LRP1: variants seen among roughly 807,000 people sequenced by gnomAD.
The protein encoded by LRP1 is prolow-density lipoprotein receptor-related protein 1.
A neutral mutation model predicts 541.5 loss-of-function variants in LRP1; 51 were observed. The ratio of observed to expected loss-of-function variants is 0.09; its 90% CI spans 0.08 to 0.12. The LOEUF is 0.12. LRP1 is among the 10% of genes least tolerant of loss of function. The pLI is 1.00. For synonymous variants in LRP1, 2,219 were observed against 2,470.8 expected (o/e 0.90, Z 3.02); for missense variants, 3,878 against 6,376.2 (o/e 0.61, Z 13.34).
intron 44 of LRP1, among the ~76,000 whole-genome samples, chr12:57,192,040 TCACA>T (rs1445790993): frequency 9.6e-6 from 1 of 104,214 alleles, no homozygotes. Context: ...ACAACACACA[TCACA>T]CACACACCAC....
chr12:57,211,606 T>C lies in LRP1; in HGVS notation c.13193+18T>C. ...GAGTGCCAGTGAGTTGGGCCCGGGC[T>C]TCACCCAGGCATAGATCATCGCTCC... On this transcript the variant is annotated intron_variant, in intron 85 of 88. Transcript: ENST00000243077. This position sits in a 1 kb window ranked among gnomAD's most constrained non-coding sequence, Gnocchi z 4.3. The C allele has an allele frequency of 6.2e-7, 1 of 1,612,184 alleles. No homozygotes were observed. The highest frequency in any genetic ancestry group is 8.5e-7 in the Non-Finnish European group (1 of 1,178,338).
At position 57,196,224 on chromosome 12, in the gene LRP1, C is replaced by T. The variant is rs1212370465; in HGVS notation, c.8839C>T (p.Arg2947Cys). The T allele has an allele frequency of 3.7e-6, 6 of 1,611,302 alleles. No homozygotes were observed. The highest frequency in any genetic ancestry group is 2.7e-5 in the African/African-American group (2 of 74,918). The change falls in exon 55 of 89, where the codon CGC becomes TGC. Residue 2947 changes from arginine to cysteine, a missense_variant. By Grantham distance (180) the Arg-to-Cys change is radical (BLOSUM62 -3). Transcript: ENST00000243077. ...CTGCCACATCAATGAGTGTCTCAGCCGCAAGCTCAGTGGCTGCAGCCAGGA... is the reference window on the plus strand; with the variant it reads ...CTGCCACATCAATGAGTGTCTCAGCTGCAAGCTCAGTGGCTGCAGCCAGGA... ...RGCHINECLS[R>C]KLSGCSQDCE...
At chr12:57,203,791 CCCTGA>C in intron 70 of LRP1, 1 of 456,910 alleles carries the variant, frequency 2.2e-6, no homozygotes, top group Non-Finnish European at 3.8e-6. Context: ...ATCCAGCAAA[CCCTGA>C]GGGCTGTGCC....
intron 67 of LRP1, 118 bp from the exon 68 acceptor site, chr12:57,202,303 G>C: frequency 1.2e-6 from 1 of 816,486 alleles, no homozygotes; most frequent in Non-Finnish European, 2.1e-6. Flanking sequence ...CCCCGCGGCT[G>C]ACCCTTCCCA....
intron 64 of LRP1, 92 bp from the exon 65 acceptor site, chr12:57,200,942 C>G: frequency 6.3e-7 from 1 of 1,596,732 alleles, no homozygotes; most frequent in Non-Finnish European, 8.6e-7. Context: ...TCCTATGGCT[C>G]AAGCCTGTGT....
rs1164647508 is a variant in LRP1 at position 57,145,063 on chromosome 12, C to T, written c.540C>T (p.Leu180=). The change falls in exon 5 of 89, where the codon CTC becomes CTT. Residue 180 remains leucine (L), a synonymous_variant. Coordinates refer to ENST00000243077, the MANE Select transcript of LRP1 (RefSeq NM_002332.3). ...TATGTGGCTGTGTTGAAGGATACCTCCTGCAGCCGGATAACCGCTCCTGCA... is the reference window on the plus strand; with the variant it reads ...TATGTGGCTGTGTTGAAGGATACCTTCTGCAGCCGGATAACCGCTCCTGCA... The part of the protein sequence containing the change: ...SFICGCVEGY[L]LQPDNRSCKA... The T allele has an allele frequency of 6.2e-7, 1 of 1,614,066 alleles. No homozygotes were observed. The highest frequency in any genetic ancestry group is 1.1e-5 in the South Asian group (1 of 91,086).
Position 57,177,047 on chromosome 12 carries a change from C to T in LRP1, c.3998C>T (p.Thr1333Ile). The change falls in exon 25 of 89, where the codon ACT becomes ATT. Residue 1333 changes from threonine (T) to isoleucine (I), a missense_variant. By Grantham distance (89) the Thr-to-Ile change is moderately conservative. Around this residue, in one of 13 missense-constraint regions of LRP1, gnomAD observed 320 missense variants for 547.9 expected, o/e 0.58. Coordinates refer to ENST00000243077, the MANE Select transcript of LRP1 (RefSeq NM_002332.3). The surrounding 1 kb of genome is among the most constrained non-coding windows in gnomAD (Gnocchi z 6.8). Reference sequence around the variant, plus strand: ...ACTGCCCTCTCTTCTCCAGCCCTGACTAGTTTCGAGGTGGTGATTCAGTAT... The same window carrying T: ...ACTGCCCTCTCTTCTCCAGCCCTGATTAGTTTCGAGGTGGTGATTCAGTAT... ...RGKLLDNGAL[T>I]SFEVVIQYGL... The T allele has an allele frequency of 2.5e-6, 4 of 1,613,862 alleles. No homozygotes were observed. In the African/African-American group the frequency reaches 5.3e-5, roughly 22 times the overall value.
Position 57,154,299 on chromosome 12 carries a change from G to A in LRP1, c.933G>A (p.Gly311=). 6.2e-7 allele frequency: 1 copy of A among 1,614,126 alleles called. No individual in the cohort carries two copies. The highest frequency in any genetic ancestry group is 1.1e-5 in the South Asian group (1 of 91,084). The change falls in exon 7 of 89, where the codon GGG becomes GGA. Residue 311 remains glycine (G), a synonymous_variant. Transcript: ENST00000243077. The surrounding 1 kb of genome is among the most constrained non-coding windows in gnomAD (Gnocchi z 4.6). ...GGATCTTTGTCTGCAACAGAAATGG[G>A]GACACATGTGTCACATTGCTAGACC... ...DDRIFVCNRN[G]DTCVTLLDLE... is the part of the protein sequence containing the mutation.
At chr12:57,172,062 CTT>C (rs57732385) in intron 20 of LRP1, among the ~76,000 whole-genome samples, 44 of 126,806 alleles carry the variant, frequency 3.5e-4, no homozygotes, top group Non-Finnish European at 3.5e-4. Flanking sequence ...TTTCTTTTTT[CTT>C]TTTTTTTTTT....
chr12:57,148,495 T>C (rs991043251), intron 6 of LRP1, among the ~76,000 whole-genome samples: 4 of 152,088 alleles, frequency 2.6e-5, no homozygotes, highest in Admixed American at 1.3e-4. Context: ...ATGGAGCCTG[T>C]AACCCAGCTT....
At position 57,162,715 on chromosome 12, in the gene LRP1, C is replaced by T. The variant is rs34709055; in HGVS notation, c.2405-143C>T. On this transcript the variant is annotated intron_variant, in intron 14 of 88. Coordinates refer to ENST00000243077, the MANE Select transcript of LRP1 (RefSeq NM_002332.3). This position sits in a 1 kb window ranked among gnomAD's most constrained non-coding sequence, Gnocchi z 5.2. ...TTCCCTTCCTGCCCCATGTCTGTGT[C>T]TCCTGTTCTTCAACATGATCTTCTT... is the stretch of plus-strand genomic sequence containing the variant. 6.6e-4 allele frequency: 723 copies of T among 1,093,118 alleles called. 2 individuals are homozygous for T. In the African/African-American group the frequency reaches 0.01, roughly 15 times the overall value. The allele number at this position is 1,093,118 out of a possible 1,614,324, so 67.7% of individuals were successfully genotyped here. A position where few individuals can be genotyped will look rare whatever the true frequency, so the allele number is the denominator to read the frequency against.
rs749150213 is a variant in LRP1 at position 57,184,386 on chromosome 12, C to T, written c.6120C>T (p.Gly2040=). Residue 2040 remains glycine, a synonymous_variant, in exon 38 of 89, where the codon GGC becomes GGT. Coordinates refer to ENST00000243077, the MANE Select transcript of LRP1 (RefSeq NM_002332.3). This position sits in a 1 kb window ranked among gnomAD's most constrained non-coding sequence, Gnocchi z 7.8. Reference sequence around the variant, plus strand: ...GTATTGAGCGGTCTCGGCTAGATGGCACGGAGCGTGTGGTGCTGGTCAACG... The same window carrying T: ...GTATTGAGCGGTCTCGGCTAGATGGTACGGAGCGTGTGGTGCTGGTCAACG... ...YPRIERSRLD[G]TERVVLVNVS... 13 of 1,614,120 alleles carry T rather than the reference C, an allele frequency of 8.1e-6. No homozygotes were observed. In the South Asian group the frequency reaches 1.2e-4, roughly 15 times the overall value.
chr12:57,175,764 G>T (rs999025671), intron 23 of LRP1, 59 bp downstream of exon 23: 2 of 1,550,824 alleles, frequency 1.3e-6, no homozygotes, highest in Non-Finnish European at 1.7e-6. Context: ...GCTGCAGTGG[G>T]TTGGGCTTGG....
At position 57,165,573 on chromosome 12, in the gene LRP1, A is replaced by G; in HGVS notation, c.2531-232A>G. The G allele has an allele frequency of 2.0e-6, 1 of 510,330 alleles. No individual in the cohort carries two copies. Among genetic ancestry groups the G allele is most frequent in the South Asian group, 2.4e-5 (1 of 41,286 alleles). The allele number at this position is 510,330 out of a possible 1,614,324, so 31.6% of individuals were successfully genotyped here. A position where few individuals can be genotyped will look rare whatever the true frequency, so the allele number is the denominator to read the frequency against. On this transcript the variant is annotated intron_variant, in intron 15 of 88. Coordinates refer to ENST00000243077, the MANE Select transcript of LRP1 (RefSeq NM_002332.3). This position sits in a 1 kb window ranked among gnomAD's most constrained non-coding sequence, Gnocchi z 4.5. ...CTCTCTTGGACACCATTTGATTCTC[A>G]GGTCACACTGAAGTACAGTAAGCAT...
intron 1 of LRP1, 48 bp from the exon 2 acceptor site, chr12:57,138,411 G>A (rs780715920): frequency 6.2e-7 from 1 of 1,604,758 alleles, no homozygotes; most frequent in South Asian, 1.1e-5. Context: ...GGTTCACAGA[G>A]TTGGCCTCCA....
intron 44 of LRP1, among the ~76,000 whole-genome samples, chr12:57,192,580 C>T (rs1451587069): frequency 1.3e-5 from 2 of 152,188 alleles, no homozygotes; most frequent in Admixed American, 1.3e-4. Context: ...AGACTCGAAT[C>T]TCTCAGAAAC....
intron 47 of LRP1, 28 bp downstream of exon 47, chr12:57,193,713 T>A: frequency 6.2e-7 from 1 of 1,613,988 alleles, no homozygotes; most frequent in Non-Finnish European, 8.5e-7. Flanking sequence ...GCATAACCCA[T>A]CTGTACCTCA....
chr12:57,161,263 A>G, intron 13 of LRP1, 148 bp downstream of exon 13: 1 of 705,572 alleles, frequency 1.4e-6, no homozygotes, highest in Non-Finnish European at 2.4e-6. Context: ...TTTTCTGTGC[A>G]TCTATAGATG....
chr12:57,142,624 C>G lies in LRP1; in HGVS notation c.329-1055C>G, dbSNP rs34000745. Among the ~76,000 whole-genome samples, 1,247 of 152,298 alleles carry G rather than the reference C, an allele frequency of 8.2e-3. 19 individuals carry two copies. The highest frequency in any genetic ancestry group is 0.028 in the African/African-American group (1,173 of 41,558). On this transcript the variant is annotated intron_variant, in intron 3 of 88. Coordinates refer to ENST00000243077, the MANE Select transcript of LRP1 (RefSeq NM_002332.3). ...ACTTCCTTTTGAGTACCTTTACAGT[C>G]TCTAAAACAACAGAGAACTTCAAAA... is the stretch of plus-strand genomic sequence containing the variant.
Sources: allele counts gnomAD v4.1 joint callset (sites outside exome capture counted in the v4.1 genomes callset), GRCh38; gene constraint gnomAD v4.1.1; regional missense constraint gnomAD v4.1.1; non-coding constraint Gnocchi (gnomAD v3.1); transcripts MANE v1.5; gene names NCBI Gene and HGNC (gene_info 2026-07-23, HGNC 2026-07-21).